The following MIER3 variants were observed in gnomAD, a reference collection of about 807,000 sequenced individuals.
The protein encoded by MIER3 is MIER family member 3, also known as mesoderm induction early response protein 3.
A neutral mutation model predicts 63.2 loss-of-function variants in MIER3; 9 were observed. The ratio of observed to expected loss-of-function variants is 0.14; its 90% confidence interval spans 0.09 to 0.25. The LOEUF is 0.25. Among genes scored for constraint, MIER3 ranks in the 10% least tolerant of loss-of-function variants. The pLI, the probability that MIER3 is intolerant of heterozygous loss-of-function variation, is 1.00. For synonymous variants in MIER3, 205 were observed against 224.9 expected (o/e 0.91, Z 0.79); for missense variants, 512 against 666.2 (o/e 0.77, Z 2.55).
chr5:56,929,609 A>G (rs1219453017), intron 9 of MIER3: 1 of 152,226 alleles, frequency 6.6e-6, no homozygotes, highest in Non-Finnish European at 1.5e-5. Context: ...ATTAGAGACC[A>G]TAAGTAAAGC....
chr5:56,928,603 A>T (rs879224062), intron 10 of MIER3, 164 bp downstream of exon 10: 1 of 506,286 alleles, frequency 2.0e-6, no homozygotes, highest in Admixed American at 3.7e-5. Context: ...TTCCATAAGC[A>T]GGCTGTGGCA....
intron 9 of MIER3, 82 bp downstream of exon 9, chr5:56,930,582 G>A (rs1750226272): frequency 9.0e-7 from 1 of 1,108,952 alleles, no homozygotes; most frequent in Non-Finnish European, 1.4e-6. Context: ...GGATTGCTCT[G>A]TCCCTTAGGA....
chr5:56,947,729 A>G (rs1750875022), intron 2 of MIER3, among the ~76,000 whole-genome samples: 2 of 152,222 alleles, frequency 1.3e-5, no homozygotes, highest in African/African-American at 4.8e-5. Flanking sequence ...GATTACTAAC[A>G]AAGTTCTTAG....
At chr5:56,944,473 T>C (rs1750759640) in intron 3 of MIER3, among the ~76,000 whole-genome samples, 1 of 149,434 alleles carries the variant, frequency 6.7e-6, no homozygotes, top group African/African-American at 2.5e-5. Context: ...AGAGCGAGAC[T>C]CCGTCTCAAA....
intron 2 of MIER3, among the ~76,000 whole-genome samples, chr5:56,948,474 G>C (rs1750904228): frequency 1.3e-5 from 2 of 152,114 alleles, no homozygotes; most frequent in African/African-American, 2.4e-5. Flanking sequence ...GACCAGCCTG[G>C]TCAACATAGC....
intron 3 of MIER3, among the ~76,000 whole-genome samples, chr5:56,942,973 C>T (rs1408626094): frequency 6.6e-6 from 1 of 152,144 alleles, no homozygotes; most frequent in South Asian, 2.1e-4. Flanking sequence ...GACCCCTTCT[C>T]TATAAAAAAA....
rs779258830 is a variant in MIER3, at chr5:56,933,259, C to T, written c.735G>A (p.Arg245=). The change falls in exon 8 of 13, where the codon AGG becomes AGA. Residue 245 remains arginine, a synonymous_variant. Coordinates refer to ENST00000381199, the MANE Select transcript of MIER3 (RefSeq NM_001297599.2). ...AGCTGAAGTATACCTGTTCATTGTCCCTTGTGTGTGTTCCTGCAGAAATCC... is the reference window on the plus strand; with the variant it reads ...AGCTGAAGTATACCTGTTCATTGTCTCTTGTGTGTGTTCCTGCAGAAATCC... The part of the protein sequence containing the change: ...MDRISAGTHT[R]DNEQALYELL... The T allele has an allele frequency of 1.2e-6, 2 of 1,608,520 alleles. No homozygotes were observed. Among genetic ancestry groups the T allele is most frequent in the Non-Finnish European group, 1.7e-6 (2 of 1,177,558 alleles).
intron 10 of MIER3, among the ~76,000 whole-genome samples, chr5:56,924,363 T>C (rs1749853075): frequency 6.6e-6 from 1 of 152,206 alleles, no homozygotes; most frequent in Non-Finnish European, 1.5e-5. Context: ...TTTACTTTTC[T>C]TTACTGAGCT....
chr5:56,921,284 TAATAAAAG>T lies in MIER3; in HGVS notation c.*1836_*1843del, dbSNP rs1749660348. 6.6e-6 allele frequency: 1 copy of T among 152,536 alleles called. No individual in the cohort carries two copies. Among genetic ancestry groups the T allele is most frequent in the East Asian group, 1.9e-4 (1 of 5,204 alleles). The allele number at this position is 152,536 out of a possible 1,614,324, so 9.4% of individuals were successfully genotyped here. ...AAATTATAGAAAGTGTACTGATTTT[TAATAAAAG>T]AAATAAGGTTCAAAGTTTAGCACAA... On this transcript the variant is annotated 3_prime_UTR_variant, in exon 13 of 13. Transcript: ENST00000381199.
rs751216020 is a variant in MIER3 at position 56,937,535 on chromosome 5, G to GTA, written c.436+41_436+42dup. The GTA allele has an allele frequency of 3.2e-6, 5 of 1,565,310 alleles. No individual in the cohort carries two copies. In the East Asian group the frequency reaches 1.2e-4, roughly 36 times the overall value. On this transcript the variant is annotated intron_variant, in intron 5 of 12. Transcript: ENST00000381199. Reference sequence around the variant, plus strand: ...CACAATAAAATGTACTAAAGCTACAGTATCAATGTTACTATTTATCAGTAA... The same window carrying GTA: ...CACAATAAAATGTACTAAAGCTACAGTATATCAATGTTACTATTTATCAGTAA...
chr5:56,944,307 TA>T lies in MIER3; in HGVS notation c.180+2618del, dbSNP rs553010224. On this transcript the variant is annotated intron_variant, in intron 3 of 12. Coordinates refer to ENST00000381199, the MANE Select transcript of MIER3 (RefSeq NM_001297599.2). ...TAACACGGTGAAACCCCGTCTCTAC[TA>T]AAAAAAAAAAAATACAAAAAAAATT... is the stretch of plus-strand genomic sequence containing the variant. Among the ~76,000 whole-genome samples, 477 of 140,634 alleles carry T rather than the reference TA, an allele frequency of 3.4e-3. 1 individual carries two copies. Among genetic ancestry groups the T allele is most frequent in the Middle Eastern group, 3.5e-3 (1 of 282 alleles). 92.3% of individuals were successfully genotyped at this position (140,634 alleles called of 152,430 possible).
chr5:56,947,885 C>A (rs1395052679), intron 2 of MIER3, among the ~76,000 whole-genome samples: 1 of 151,988 alleles, frequency 6.6e-6, no homozygotes, highest in Non-Finnish European at 1.5e-5. Context: ...ACTCCAAAAA[C>A]CAAGAGAAGA....
At chr5:56,937,460 T>C in intron 5 of MIER3, 118 bp downstream of exon 5, 6 of 1,031,368 alleles carry the variant, frequency 5.8e-6, no homozygotes, top group Non-Finnish European at 5.4e-6. Flanking sequence ...ATAGAAGTAT[T>C]TTATCTCAAC....
chr5:56,943,963 T>C (rs779641296), intron 3 of MIER3, among the ~76,000 whole-genome samples: 3 of 152,184 alleles, frequency 2.0e-5, no homozygotes, highest in Non-Finnish European at 4.4e-5. Flanking sequence ...AAAGGATTTA[T>C]ATCAGGAAGA....
At chr5:56,932,873 CAG>C (rs1237768900) in intron 8 of MIER3, among the ~76,000 whole-genome samples, 1 of 151,550 alleles carries the variant, frequency 6.6e-6, no homozygotes, top group African/African-American at 2.4e-5. Context: ...GATAAGTACA[CAG>C]TATGTTGAAA....
chr5:56,938,978 C>T lies in MIER3; in HGVS notation c.220G>A (p.Gly74Ser). 4 of 1,614,106 alleles carry T rather than the reference C, an allele frequency of 2.5e-6. No individual in the cohort carries two copies. Among genetic ancestry groups the T allele is most frequent in the Non-Finnish European group, 3.4e-6 (4 of 1,179,990 alleles). The change falls in exon 4 of 13, where the codon GGC becomes AGC. Residue 74 changes from glycine (G) to serine (S), a missense_variant. Around this residue, in one of 5 missense-constraint regions of MIER3, gnomAD observed 98 missense variants for 107.4 expected, o/e 0.91. Transcript: ENST00000381199. ...MPLEDLLAFY[G>S]YEPTIPAVAN... ...ACTGCTGGAATTGTAGGTTCATAGC[C>T]ATAGAATGCCAGTAAATCTTCTAGA...
rs1750500653 is a variant in MIER3 at position 56,937,764 on chromosome 5, CT to C, written c.316-67del. 2.9e-6 allele frequency: 4 copies of C among 1,387,972 alleles called. No homozygotes were observed. The South Asian group carries it at 6.9e-5, about 24-fold the overall frequency. 86.0% of individuals were successfully genotyped at this position (1,387,972 alleles called of 1,614,324 possible). A position where few individuals can be genotyped will look rare whatever the true frequency, so the allele number is the denominator to read the frequency against. On this transcript the variant is annotated intron_variant, in intron 4 of 12. Coordinates refer to ENST00000381199, the MANE Select transcript of MIER3 (RefSeq NM_001297599.2). The stretch of plus-strand genomic sequence containing the variant: ...ACATCTCATTAATTAAGAAAACTAT[CT>C]TTTTATAACATATCATTAAGAAGCA...
intron 3 of MIER3, among the ~76,000 whole-genome samples, chr5:56,939,963 C>T (rs978643571): frequency 4.6e-5 from 7 of 152,166 alleles, no homozygotes; most frequent in South Asian, 4.1e-4. Flanking sequence ...TGCCTAATGA[C>T]GCCTTTTTCA....
Position 56,921,836 on chromosome 5 carries a change from G to A in MIER3, c.*1292C>T, listed in dbSNP as rs1047112956. The A allele has an allele frequency of 1.3e-5, 2 of 152,514 alleles. No individual in the cohort carries two copies. Among genetic ancestry groups the A allele is most frequent in the Admixed American group, 1.3e-4 (2 of 15,272 alleles). The allele number at this position is 152,514 out of a possible 1,614,324, so 9.4% of individuals were successfully genotyped here. ...AAAGCAAAGATTACATCCTAATACT[G>A]TATTACATATTGTTTGATTCACCTT... On this transcript the variant is annotated 3_prime_UTR_variant, in exon 13 of 13. Transcript: ENST00000381199.
Sources: gnomAD v4.1 joint callset for allele counts (sites outside exome capture counted in the v4.1 genomes callset) on GRCh38, gnomAD v4.1.1 for gene constraint, gnomAD v4.1.1 regional missense constraint, MANE v1.5 for transcripts, NCBI Gene and HGNC (gene_info 2026-07-23, HGNC 2026-07-21) for gene names.